Variants in ARHGEF4 observed in about 807,000 individuals in gnomAD.
ARHGEF4 encodes Rho guanine nucleotide exchange factor 4, also known as APC-stimulated guanine nucleotide exchange factor 1.
In ARHGEF4, 119 loss-of-function variants were observed where a neutral mutation model predicts 162.0. The ratio of observed to expected loss-of-function variants is 0.73; its 90% CI spans 0.63 to 0.86. The LOEUF (loss-of-function observed/expected upper bound fraction) is 0.86. ARHGEF4 is among the 40% of genes least tolerant of loss of function. The pLI, the probability that ARHGEF4 is intolerant of heterozygous loss-of-function variation, is 0.00. For synonymous variants in ARHGEF4, 1,014 were observed against 979.9 expected (o/e 1.03, Z -0.65); for missense variants, 2,488 against 2,456.0 (o/e 1.01, Z -0.28).
intron 1 of ARHGEF4, among the ~76,000 whole-genome samples, chr2:130,866,285 GAGGC>G (rs1201333187): frequency 6.6e-6 from 1 of 152,188 alleles, no homozygotes; most frequent in African/African-American, 2.4e-5. Flanking sequence ...TCGGGAGACT[GAGGC>G]AGGAGAATTG....
intron 4 of ARHGEF4, among the ~76,000 whole-genome samples, chr2:130,979,753 A>C (rs910103317): frequency 1.3e-5 from 2 of 150,164 alleles, no homozygotes; most frequent in East Asian, 1.9e-4. Context: ...AAAAAAAAAA[A>C]AAACCTGAAA....
chr2:130,935,466 G>A (rs1351350879), intron 3 of ARHGEF4, among the ~76,000 whole-genome samples: 3 of 152,154 alleles, frequency 2.0e-5, no homozygotes, highest in Non-Finnish European at 2.9e-5. Flanking sequence ...ATGTAAAATT[G>A]GACTATTGAT....
chr2:130,933,166 G>GACTGCACC (rs1258359233), intron 3 of ARHGEF4, among the ~76,000 whole-genome samples: 1 of 150,440 alleles, frequency 6.6e-6, no homozygotes, highest in African/African-American at 2.5e-5. Flanking sequence ...AGTGAGCCAA[G>GACTGCACC]ACTGCACCAC....
chr2:130,984,596 G>A (rs1365121672), intron 4 of ARHGEF4, among the ~76,000 whole-genome samples: 2 of 151,454 alleles, frequency 1.3e-5, no homozygotes, highest in Non-Finnish European at 2.9e-5. Context: ...GGCTGAGGCA[G>A]GAGAATCGCT....
chr2:131,004,082 A>G (rs1388879273), intron 4 of ARHGEF4, among the ~76,000 whole-genome samples: 1 of 151,984 alleles, frequency 6.6e-6, no homozygotes. Context: ...AAAGATAAGA[A>G]AGGGAGGAAG....
chr2:130,965,358 A>G (rs1243113339), intron 4 of ARHGEF4, among the ~76,000 whole-genome samples: 1 of 152,272 alleles, frequency 6.6e-6, no homozygotes, highest in Non-Finnish European at 1.5e-5. Context: ...AGACCTCTGC[A>G]TTGAGCACTC....
rs899792923 is a variant in ARHGEF4, at chr2:130,915,392, T to C, written c.1446T>C (p.Ala482=). The C allele has an allele frequency of 2.6e-6, 4 of 1,550,400 alleles. No individual in the cohort carries two copies. Among genetic ancestry groups the C allele is most frequent in the Non-Finnish European group, 3.5e-6 (4 of 1,147,010 alleles). Residue 482 remains alanine, a synonymous_variant, in exon 2 of 14, where the codon GCT becomes GCC. Transcript: ENST00000409359. ...EPQGTQLAPR[A]ADERETQKHL... is the part of the protein sequence containing the mutation. The stretch of plus-strand genomic sequence containing the variant: ...AAGGCACCCAACTCGCACCAAGAGC[T>C]GCTGATGAGAGAGAGACACAGAAGC...
At chr2:130,933,196 CAG>C (rs1484177409) in intron 3 of ARHGEF4, among the ~76,000 whole-genome samples, 2 of 139,380 alleles carry the variant, frequency 1.4e-5, no homozygotes, top group African/African-American at 5.1e-5. Context: ...GCCTGGGTGA[CAG>C]AGTGAGACCC....
At chr2:130,971,326 T>C (rs1203747965) in intron 4 of ARHGEF4, among the ~76,000 whole-genome samples, 1 of 152,218 alleles carries the variant, frequency 6.6e-6, no homozygotes, top group Non-Finnish European at 1.5e-5. Context: ...TTGTTTTAAT[T>C]CTTCTTCTTT....
At chr2:130,846,195 C>A (rs1680952590) in intron 1 of ARHGEF4, among the ~76,000 whole-genome samples, 1 of 152,218 alleles carries the variant, frequency 6.6e-6, no homozygotes, top group African/African-American at 2.4e-5. Flanking sequence ...GTGGTTAGGC[C>A]TTCCTCGGCT....
At chr2:130,844,561 G>A (rs940011802) in intron 1 of ARHGEF4, among the ~76,000 whole-genome samples, 3 of 152,102 alleles carry the variant, frequency 2.0e-5, no homozygotes, top group African/African-American at 4.8e-5. Flanking sequence ...GCCCATGCTC[G>A]AGAAGAGGTC....
chr2:130,947,637 A>G (rs889647497), intron 4 of ARHGEF4, among the ~76,000 whole-genome samples: 1 of 152,164 alleles, frequency 6.6e-6, no homozygotes, highest in African/African-American at 2.4e-5. Context: ...AACTATAGCA[A>G]ATAGCATCAC....
intron 4 of ARHGEF4, among the ~76,000 whole-genome samples, chr2:130,956,273 C>G (rs921965272): frequency 2.6e-5 from 4 of 152,132 alleles, no homozygotes; most frequent in Admixed American, 2.0e-4. Flanking sequence ...CAATGAGATA[C>G]CATCTCACAC....
chr2:130,883,386 C>T (rs373745002), intron 1 of ARHGEF4, among the ~76,000 whole-genome samples: 5 of 151,982 alleles, frequency 3.3e-5, no homozygotes, highest in East Asian at 3.9e-4. Context: ...TGTGGAATGC[C>T]GGAGCAGTGT....
intron 4 of ARHGEF4, among the ~76,000 whole-genome samples, chr2:130,962,342 T>A (rs1448076617): frequency 6.6e-6 from 1 of 151,836 alleles, no homozygotes; most frequent in Non-Finnish European, 1.5e-5. Context: ...GGGGCTTTGA[T>A]GTGATGATCT....
chr2:130,970,376 G>C (rs1057032993), intron 4 of ARHGEF4, among the ~76,000 whole-genome samples: 1 of 151,996 alleles, frequency 6.6e-6, no homozygotes, highest in East Asian at 1.9e-4. Context: ...ATCACCTGAG[G>C]TCAGGCGTTC....
At chr2:130,945,828 A>G (rs1336330804) in intron 3 of ARHGEF4, among the ~76,000 whole-genome samples, 1 of 152,202 alleles carries the variant, frequency 6.6e-6, no homozygotes, top group Non-Finnish European at 1.5e-5. Flanking sequence ...TTGTTTGTAT[A>G]TTGATGTTTC....
intron 4 of ARHGEF4, among the ~76,000 whole-genome samples, chr2:130,995,784 G>A (rs977722143): frequency 1.1e-4 from 16 of 151,462 alleles, no homozygotes; most frequent in East Asian, 3.9e-4. Context: ...ACAGCCATGC[G>A]TAGTCCCACC....
At chr2:131,035,033 A>G (rs1690138700) in intron 5 of ARHGEF4, 11 of 989,498 alleles carry the variant, frequency 1.1e-5, no homozygotes, top group Non-Finnish European at 1.3e-5. Flanking sequence ...GCTGCGGGCC[A>G]CCGGCTCGGC....
Sources: gnomAD v4.1 joint callset for allele counts (sites outside exome capture counted in the v4.1 genomes callset) on GRCh38, gnomAD v4.1.1 for gene constraint, MANE v1.5 for transcripts, NCBI Gene and HGNC (gene_info 2026-07-23, HGNC 2026-07-21) for gene names.